The following ITCH variants were observed in gnomAD, a reference collection of about 807,000 sequenced individuals.
ITCH encodes E3 ubiquitin-protein ligase Itchy homolog.
A neutral mutation model predicts 126.8 loss-of-function variants in ITCH; 28 were observed. The observed-to-expected ratio is 0.22, with a 90% CI of 0.16 to 0.30. The LOEUF (loss-of-function observed/expected upper bound fraction) is 0.30, where lower values mean the gene tolerates loss of function less well. Among genes scored for constraint, ITCH ranks in the 10% least tolerant of loss-of-function variants. The pLI, the probability that ITCH is intolerant of heterozygous loss-of-function variation, is 1.00. For synonymous variants in ITCH, 342 were observed against 340.0 expected (o/e 1.01, Z -0.06); for missense variants, 631 against 1,032.4 (o/e 0.61, Z 5.33).
intron 16 of ITCH, chr20:34,476,624 T>TA: frequency 2.4e-6 from 1 of 409,680 alleles, no homozygotes; most frequent in Non-Finnish European, 3.8e-6. Context: ...AGTTTTTTGT[T>TA]ACATCTGGGA....
At chr20:34,406,812 G>A (rs938503478) in intron 3 of ITCH, among the ~76,000 whole-genome samples, 1 of 152,098 alleles carries the variant, frequency 6.6e-6, no homozygotes, top group Non-Finnish European at 1.5e-5. Context: ...GGGATTACAG[G>A]CGTGAGCCAC....
chr20:34,396,486 G>T (rs550046058), intron 3 of ITCH, among the ~76,000 whole-genome samples: 1 of 151,952 alleles, frequency 6.6e-6, no homozygotes, highest in Non-Finnish European at 1.5e-5. Context: ...GTGTGCGCGC[G>T]TGCATATGTT....
rs1471411421 is a variant in ITCH, at chr20:34,363,523, A to G, written c.-99+174A>G. On this transcript the variant is annotated intron_variant, in intron 1 of 24. Transcript: ENST00000374864. ...GTCGGGGGCGCGGGGAGCTCGGGCT[A>G]CTGGCCCGGGCCGGGCGGTGGGGGT... 2.0e-5 allele frequency among the ~76,000 whole-genome samples: 3 copies of G among 151,886 alleles called. No homozygotes were observed. In the East Asian group the frequency reaches 5.8e-4, roughly 30 times the overall value.
At chr20:34,411,093 C>G (rs1035951432) in intron 4 of ITCH, among the ~76,000 whole-genome samples, 2 of 152,160 alleles carry the variant, frequency 1.3e-5, no homozygotes, top group African/African-American at 2.4e-5. Context: ...TACCTTTCTT[C>G]CATATTAAAA....
intron 20 of ITCH, among the ~76,000 whole-genome samples, chr20:34,483,469 T>C (rs369807502): frequency 2.0e-5 from 3 of 152,192 alleles, no homozygotes; most frequent in East Asian, 3.9e-4. Context: ...ATCGTCTCTC[T>C]CAAGTACAAA....
intron 12 of ITCH, among the ~76,000 whole-genome samples, chr20:34,450,343 T>G (rs1335653180): frequency 2.0e-5 from 3 of 152,194 alleles, no homozygotes; most frequent in Non-Finnish European, 4.4e-5. Context: ...TAAAACAAGG[T>G]TCAGAGTTTG....
chr20:34,434,575 A>G (rs1311411212), intron 7 of ITCH, among the ~76,000 whole-genome samples: 25 of 152,216 alleles, frequency 1.6e-4, no homozygotes, highest in Admixed American at 1.6e-3. Context: ...TCCTTGAAGA[A>G]GGGGAGAGAG....
chr20:34,365,353 T>A (rs140604051), intron 1 of ITCH, among the ~76,000 whole-genome samples: 31 of 152,218 alleles, frequency 2.0e-4, no homozygotes, highest in African/African-American at 7.0e-4. Flanking sequence ...AAAAAATGAG[T>A]ACAGACTACT....
At chr20:34,466,295 T>G (rs1281635580) in intron 14 of ITCH, 1 of 494,314 alleles carries the variant, frequency 2.0e-6, no homozygotes, top group Non-Finnish European at 4.2e-6. Flanking sequence ...AAAGTGTGCT[T>G]TTAATATGCT....
intron 23 of ITCH, among the ~76,000 whole-genome samples, chr20:34,496,571 C>T (rs949672586): frequency 9.2e-5 from 14 of 151,848 alleles, no homozygotes; most frequent in South Asian, 2.1e-4. Context: ...TTTGGGAGGC[C>T]GAGACGGGTG....
intron 20 of ITCH, among the ~76,000 whole-genome samples, chr20:34,485,474 C>G (rs1461681533): frequency 6.6e-6 from 1 of 152,180 alleles, no homozygotes; most frequent in African/African-American, 2.4e-5. Context: ...TCTTCCTTGA[C>G]TAATGGTGTC....
intron 3 of ITCH, chr20:34,401,703 G>T: frequency 1.3e-5 from 10 of 795,382 alleles, no homozygotes; most frequent in Non-Finnish European, 1.5e-5. Flanking sequence ...CCATCCACTG[G>T]TTAATGAATT....
chr20:34,444,190 T>A lies in ITCH; in HGVS notation c.966-1097T>A, dbSNP rs149285527. Among the ~76,000 whole-genome samples, 4 of 152,336 alleles carry A rather than the reference T, an allele frequency of 2.6e-5. No individual in the cohort carries two copies. The East Asian group carries it at 7.7e-4, about 29-fold the overall frequency. On this transcript the variant is annotated intron_variant, in intron 10 of 24. Coordinates refer to ENST00000374864, the MANE Select transcript of ITCH (RefSeq NM_031483.7). ...GAAATCGTGAAGTCATTCGATTCAT[T>A]TATGAATTATGTTCATAATCAACAC...
At chr20:34,507,263 G>GGT (rs1990676231) in intron 24 of ITCH, among the ~76,000 whole-genome samples, 2 of 39,162 alleles carry the variant, frequency 5.1e-5, no homozygotes, top group Non-Finnish European at 9.7e-5. Context: ...GTTTTCTTCT[G>GGT]TTTTTTTTTT....
intron 23 of ITCH, among the ~76,000 whole-genome samples, chr20:34,495,664 A>G (rs552862243): frequency 3.3e-5 from 5 of 151,906 alleles, no homozygotes; most frequent in African/African-American, 9.7e-5. Flanking sequence ...TATACACCAC[A>G]TTTTCTTTAT....
At chr20:34,492,352 G>T (rs1437481775) in intron 22 of ITCH, 149 bp from the exon 23 acceptor site, 2 of 566,996 alleles carry the variant, frequency 3.5e-6, no homozygotes, top group Non-Finnish European at 6.3e-6. Flanking sequence ...AGCTATGATT[G>T]CATCACTGCA....
intron 2 of ITCH, among the ~76,000 whole-genome samples, chr20:34,370,038 A>T (rs1033516478): frequency 1.3e-5 from 2 of 149,220 alleles, no homozygotes; most frequent in African/African-American, 4.9e-5. Context: ...CAGGAGGTTG[A>T]GGCTGCAGTA....
rs2038484961 is a variant in ITCH at position 34,391,331 on chromosome 20, T to A, written c.-21-2460T>A. ...TACTTTTTCTGCGTTTATTTACAAG[T>A]ATTTGTACCCATAGGAATATATAGT... On this transcript the variant is annotated intron_variant, in intron 2 of 24. Transcript: ENST00000374864. Among the ~76,000 whole-genome samples, 3 of 152,320 alleles carry A rather than the reference T, an allele frequency of 2.0e-5. No homozygotes were observed. In the South Asian group the frequency reaches 6.2e-4, roughly 32 times the overall value.
chr20:34,496,833 A>G (rs966783620), intron 23 of ITCH, among the ~76,000 whole-genome samples: 4 of 151,750 alleles, frequency 2.6e-5, no homozygotes, highest in African/African-American at 9.7e-5. Context: ...AAAAGAGAAA[A>G]GAAAAATCTT....
Sources: gnomAD v4.1 joint callset for allele counts (sites outside exome capture counted in the v4.1 genomes callset) on GRCh38, gnomAD v4.1.1 for gene constraint, MANE v1.5 for transcripts, NCBI Gene and HGNC (gene_info 2026-07-23, HGNC 2026-07-21) for gene names.